Variants in ASXL2 observed in about 807,000 individuals in gnomAD.
ASXL2 encodes the protein putative Polycomb group protein ASXL2.
ASXL2 carries 23 observed loss-of-function variants against 122.0 expected under a neutral mutation model. That is an observed-to-expected ratio of 0.19 (90% confidence interval 0.14 to 0.27). ASXL2 has a LOEUF of 0.27. Ranked by LOEUF, ASXL2 falls within the 10% of genes least tolerant of loss-of-function variation. The pLI, the probability that ASXL2 is intolerant of heterozygous loss-of-function variation, is 1.00. For missense variants in ASXL2, 1,518 were observed against 1,713.8 expected (o/e 0.89, Z 2.02); for synonymous variants, 650 against 637.0 (o/e 1.02, Z -0.31).
At position 25,768,837 on chromosome 2, in the gene ASXL2, T is replaced by C; in HGVS notation, c.536A>G (p.Gln179Arg). The change falls in exon 7 of 13, where the codon CAG becomes CGG. Residue 179 changes from glutamine (Q) to arginine (R), a missense_variant. Coordinates refer to ENST00000435504, the MANE Select transcript of ASXL2 (RefSeq NM_018263.6). ...ALKQQQQKKQQQQCRPSISIS... is the reference protein window; with the variant it reads ...ALKQQQQKKQRQQCRPSISIS... ...GGATATGCTTGGCCTGCATTGCTGC[T>C]GCTGCTTCTTCTGCTGTTGCTGCTT... 1 of 1,613,754 alleles carries C rather than the reference T, an allele frequency of 6.2e-7. No individual in the cohort carries two copies. Among genetic ancestry groups the C allele is most frequent in the Non-Finnish European group, 8.5e-7 (1 of 1,179,714 alleles).
intron 3 of ASXL2, among the ~76,000 whole-genome samples, chr2:25,809,464 T>C (rs1441608012): frequency 1.3e-5 from 2 of 152,170 alleles, no homozygotes; most frequent in African/African-American, 2.4e-5. Flanking sequence ...AATGGATTCT[T>C]TCCCTGGGCT....
intron 5 of ASXL2, among the ~76,000 whole-genome samples, chr2:25,798,870 G>A (rs1574422170): frequency 6.6e-6 from 1 of 152,164 alleles, no homozygotes; most frequent in African/African-American, 2.4e-5. Context: ...TACTATAATG[G>A]TGAATACACA....
In ASXL2 at chr2:25,743,674, G is replaced by A. The variant is rs2087884802; in HGVS notation, c.2663C>T (p.Thr888Ile). Reference sequence around the variant, plus strand: ...TAAAGTGGCTGTGGTCAATAAAGATGTTAAAGGGGAGGGAGTTACAGCCAC... The same window carrying A: ...TAAAGTGGCTGTGGTCAATAAAGATATTAAAGGGGAGGGAGTTACAGCCAC... ...VPVAVTPSPL[T>I]SLLTTATLEK... Residue 888 changes from threonine to isoleucine, a missense_variant, in exon 13 of 13, where the codon ACA (threonine) becomes ATA (isoleucine). Around this residue, in one of 8 missense-constraint regions of ASXL2, gnomAD observed 831 missense variants for 833.1 expected, o/e 1.00. Transcript: ENST00000435504. 6.2e-7 allele frequency: 1 copy of A among 1,613,876 alleles called. No individual in the cohort carries two copies. The highest frequency in any genetic ancestry group is 8.5e-7 in the Non-Finnish European group (1 of 1,179,886).
chr2:25,769,017 ACT>A (rs2088400756), intron 6 of ASXL2, 149 bp from the exon 7 acceptor site: 1 of 943,730 alleles, frequency 1.1e-6, no homozygotes, highest in African/African-American at 1.7e-5. Flanking sequence ...AATTAAGCTA[ACT>A]CTCGCTTCTT....
At chr2:25,843,598 A>G (rs1206890344) in intron 2 of ASXL2, among the ~76,000 whole-genome samples, 2 of 152,156 alleles carry the variant, frequency 1.3e-5, no homozygotes, top group African/African-American at 4.8e-5. Context: ...AAATCAAAAA[A>G]GAATTTAAAC....
chr2:25,839,708 G>A, intron 2 of ASXL2, among the ~76,000 whole-genome samples: 1 of 141,538 alleles, frequency 7.1e-6, no homozygotes, highest in South Asian at 2.2e-4. Context: ...TTGCAGCCTT[G>A]ACCTCCTGGG....
In ASXL2 at chr2:25,754,830, GA is replaced by G. The variant is rs901731301; in HGVS notation, c.1036+1187del. ...AACTGGTATGTTTTAATCTTTCTGA[GA>G]AAAAAAAAAAGGGGTCTCTGCCCAA... On this transcript the variant is annotated intron_variant, in intron 10 of 12. Coordinates refer to ENST00000435504, the MANE Select transcript of ASXL2 (RefSeq NM_018263.6). Among the ~76,000 whole-genome samples, 983 of 139,486 alleles carry G rather than the reference GA, an allele frequency of 7.0e-3. 4 individuals carry two copies. The highest frequency in any genetic ancestry group is 0.012 in the African/African-American group (459 of 38,134). The allele number at this position is 139,486 out of a possible 152,430, so 91.5% of individuals were successfully genotyped here.
intron 5 of ASXL2, among the ~76,000 whole-genome samples, chr2:25,788,266 T>C (rs1402364192): frequency 1.3e-5 from 2 of 152,222 alleles, no homozygotes; most frequent in East Asian, 3.8e-4. Flanking sequence ...AAGTTATCAT[T>C]AAAATGTGCA....
intron 3 of ASXL2, chr2:25,822,497 A>G (rs956727515): frequency 1.9e-5 from 9 of 482,014 alleles, no homozygotes; most frequent in Admixed American, 8.3e-5. Flanking sequence ...AAGTGGTACT[A>G]TCGAAGGGAC....
intron 2 of ASXL2, among the ~76,000 whole-genome samples, chr2:25,844,169 G>A (rs1331683570): frequency 1.3e-5 from 2 of 152,100 alleles, no homozygotes; most frequent in Non-Finnish European, 2.9e-5. Context: ...TGAAAGCACT[G>A]CAAACTTTTC....
intron 8 of ASXL2, among the ~76,000 whole-genome samples, chr2:25,764,753 T>C (rs1574403823): frequency 6.6e-6 from 1 of 152,236 alleles, no homozygotes; most frequent in Non-Finnish European, 1.5e-5. Flanking sequence ...ATTAATGGAA[T>C]TGGACTGTCA....
rs1207620776 is a variant in ASXL2, at chr2:25,749,973, G to C, written c.1583C>G (p.Pro528Arg). ...QESLVTSPSK[P>R]KSPGVEKPIV... ...TGGTTTTTCAACCCCAGGACTCTTG[G>C]GTTTGCTTGGCGATGTAACTAAAGA... Residue 528 changes from proline (P) to arginine (R), a missense_variant, in exon 12 of 13, where the codon CCC (proline) becomes CGC (arginine). Physicochemically the swap from Pro to Arg is moderately radical, Grantham distance 103. Around this residue, in one of 8 missense-constraint regions of ASXL2, gnomAD observed 292 missense variants for 293.5 expected, o/e 1.00. Coordinates refer to ENST00000435504, the MANE Select transcript of ASXL2 (RefSeq NM_018263.6). 1 of 1,613,870 alleles carries C rather than the reference G, an allele frequency of 6.2e-7. No individual in the cohort carries two copies. Among genetic ancestry groups the C allele is most frequent in the East Asian group, 2.2e-5 (1 of 44,892 alleles).
intron 3 of ASXL2, among the ~76,000 whole-genome samples, chr2:25,812,809 A>G (rs987332166): frequency 3.3e-5 from 5 of 152,240 alleles, no homozygotes; most frequent in African/African-American, 1.2e-4. Context: ...AAAGTAACCA[A>G]CAGGATAGAA....
At position 25,753,907 on chromosome 2, in the gene ASXL2, G is replaced by A. The variant is rs116241237; in HGVS notation, c.1037-268C>T. Among the ~76,000 whole-genome samples, 132 of 152,170 alleles carry A rather than the reference G, an allele frequency of 8.7e-4. 1 individual carries two copies. Among genetic ancestry groups the A allele is most frequent in the African/African-American group, 3.0e-3 (125 of 41,534 alleles). ...GGCTTCCCTGTGGTACCTTCCTCACGCTCCAAGCATCACACTCCATACAGA... is the reference window on the plus strand; with the variant it reads ...GGCTTCCCTGTGGTACCTTCCTCACACTCCAAGCATCACACTCCATACAGA... On this transcript the variant is annotated intron_variant, in intron 10 of 12. Transcript: ENST00000435504.
intron 5 of ASXL2, among the ~76,000 whole-genome samples, chr2:25,788,814 T>C (rs1223779088): frequency 2.0e-5 from 3 of 152,196 alleles, no homozygotes; most frequent in Admixed American, 6.5e-5. Flanking sequence ...GTTCCTCATA[T>C]ATTCCTTTGT....
At chr2:25,807,461 G>A (rs975474322) in intron 3 of ASXL2, among the ~76,000 whole-genome samples, 1 of 152,214 alleles carries the variant, frequency 6.6e-6, no homozygotes, top group Non-Finnish European at 1.5e-5. Context: ...GCCTTTTGCA[G>A]AAGAAACTAT....
chr2:25,853,125 C>T (rs770943247), intron 1 of ASXL2, among the ~76,000 whole-genome samples: 6 of 152,166 alleles, frequency 3.9e-5, no homozygotes, highest in Admixed American at 1.3e-4. Context: ...ATTTCACATA[C>T]GGTTTTTGAC....
intron 3 of ASXL2, among the ~76,000 whole-genome samples, chr2:25,825,811 G>A (rs2089368414): frequency 6.6e-6 from 1 of 152,134 alleles, no homozygotes; most frequent in South Asian, 2.1e-4. Context: ...AGGCAAAAGA[G>A]GAATTGCTGG....
chr2:25,870,053 T>C lies in ASXL2; in HGVS notation c.57+8113A>G, dbSNP rs563635285. 3.9e-5 allele frequency among the ~76,000 whole-genome samples: 6 copies of C among 152,122 alleles called. No individual in the cohort carries two copies. The East Asian group carries it at 9.7e-4, about 25-fold the overall frequency. ...GAGTTTGATGCTGTAGTGCACTACA[T>C]AGTCTTTATGATGAAAGAAGCATTC... On this transcript the variant is annotated intron_variant, in intron 1 of 12. Coordinates refer to ENST00000435504, the MANE Select transcript of ASXL2 (RefSeq NM_018263.6).
Sources: gnomAD v4.1 joint callset for allele counts (sites outside exome capture counted in the v4.1 genomes callset) on GRCh38, gnomAD v4.1.1 for gene constraint, gnomAD v4.1.1 regional missense constraint, MANE v1.5 for transcripts, NCBI Gene and HGNC (gene_info 2026-07-23, HGNC 2026-07-21) for gene names.